Variants in SAFB2 observed in about 807,000 individuals in gnomAD.
SAFB2 encodes the protein scaffold attachment factor B2.
A neutral mutation model predicts 100.6 loss-of-function variants in SAFB2; 32 were observed. The observed-to-expected ratio is 0.32, with a 90% CI of 0.24 to 0.43. The LOEUF is 0.43. SAFB2 is among the 20% of genes least tolerant of loss of function. The probability of loss-of-function intolerance (pLI) is 1.00; values close to 1 mark genes in which losing one functional copy is unlikely to be tolerated. For synonymous variants in SAFB2, 500 were observed against 439.4 expected (o/e 1.14, Z -1.72); for missense variants, 1,185 against 1,163.4 (o/e 1.02, Z -0.27).
chr19:5,604,892 A>G lies in SAFB2; in HGVS notation c.1341T>C (p.Ala447=). ...ACATGGTGACGAATCCATAGCATCGAGCCCCCGGGCTGCGGGCGTTCGTTA... is the reference window on the plus strand; with the variant it reads ...ACATGGTGACGAATCCATAGCATCGGGCCCCCGGGCTGCGGGCGTTCGTTA... ...KVVTNARSPG[A]RCYGFVTMST... Residue 447 remains alanine (A), a synonymous_variant, in exon 10 of 21, where the codon GCT becomes GCC. Coordinates refer to ENST00000252542, the MANE Select transcript of SAFB2 (RefSeq NM_014649.3). 1 of 1,613,982 alleles carries G rather than the reference A, an allele frequency of 6.2e-7. No individual in the cohort carries two copies. The highest frequency in any genetic ancestry group is 2.2e-5 in the East Asian group (1 of 44,870).
intron 1 of SAFB2, 24 bp downstream of exon 1, chr19:5,622,506 C>A (rs761860974): frequency 1.9e-6 from 3 of 1,565,092 alleles, no homozygotes; most frequent in Admixed American, 3.6e-5. Context: ...TCCTGCGCCA[C>A]CCCCGAGCCC....
intron 9 of SAFB2, among the ~76,000 whole-genome samples, chr19:5,606,463 C>T (rs1386156221): frequency 2.6e-5 from 4 of 151,966 alleles, no homozygotes; most frequent in Admixed American, 1.3e-4. Context: ...ACATCTGTAC[C>T]AAAAATTTTA....
In SAFB2 at chr19:5,587,595, TTG is replaced by T. The variant is rs2052284838; in HGVS notation, c.2705+104_2705+105del. The stretch of plus-strand genomic sequence containing the variant: ...AAATTGCAAAGAGCTGCTTTTTGCT[TTG>T]TTTTCATAACATCCAACCCAGCCAG... On this transcript the variant is annotated intron_variant, in intron 20 of 20. Coordinates refer to ENST00000252542, the MANE Select transcript of SAFB2 (RefSeq NM_014649.3). The surrounding 1 kb of genome is among the most constrained non-coding windows in gnomAD (Gnocchi z 4.9). 2.7e-6 allele frequency: 4 copies of T among 1,455,478 alleles called. No individual in the cohort carries two copies. The highest frequency in any genetic ancestry group is 1.8e-4 in the Middle Eastern group (1 of 5,468). The allele number at this position is 1,455,478 out of a possible 1,614,324, so 90.2% of individuals were successfully genotyped here.
At chr19:5,613,674 C>T (rs926842735) in intron 4 of SAFB2, 147 bp from the exon 5 acceptor site, 2 of 1,458,612 alleles carry the variant, frequency 1.4e-6, no homozygotes, top group Admixed American at 2.6e-5. Flanking sequence ...CAGTTCAGCA[C>T]CTGCCTCTCC....
At chr19:5,621,243 G>T in intron 2 of SAFB2, 66 bp downstream of exon 2, 1 of 1,054,920 alleles carries the variant, frequency 9.5e-7, no homozygotes, top group Non-Finnish European at 1.5e-6. Flanking sequence ...GGCGGGAAGA[G>T]CACACTACAC....
chr19:5,603,587 T>C (rs970899647), intron 11 of SAFB2, among the ~76,000 whole-genome samples: 3 of 152,206 alleles, frequency 2.0e-5, no homozygotes, highest in Non-Finnish European at 2.9e-5. Context: ...TTTATAAAAA[T>C]AGAACCTCAG....
intron 18 of SAFB2, among the ~76,000 whole-genome samples, chr19:5,589,876 G>A (rs1383909598): frequency 1.3e-5 from 2 of 152,176 alleles, no homozygotes; most frequent in Admixed American, 6.5e-5. Context: ...CTGGGGGTCA[G>A]AGAAAAAACC....
chr19:5,603,669 GCCA>G, intron 11 of SAFB2, among the ~76,000 whole-genome samples: 1 of 152,328 alleles, frequency 6.6e-6, no homozygotes, highest in East Asian at 1.9e-4. Flanking sequence ...CTCACAGGGT[GCCA>G]CCGTGAACTC....
chr19:5,604,793 T>A lies in SAFB2; in HGVS notation c.1440A>T (p.Val480=), dbSNP rs1458387704. 1 of 1,614,074 alleles carries A rather than the reference T, an allele frequency of 6.2e-7. No homozygotes were observed. The highest frequency in any genetic ancestry group is 1.3e-5 in the African/African-American group (1 of 74,946). The change falls in exon 10 of 21, where the codon GTA becomes GTT. Residue 480 remains valine (V), a synonymous_variant. Coordinates refer to ENST00000252542, the MANE Select transcript of SAFB2 (RefSeq NM_014649.3). ...RTELHGRMIS[V]EKAKNEPAGK... is the part of the protein sequence containing the mutation. Reference sequence around the variant, plus strand: ...TAGACGAGAACTGCCTCACCTTCTCTACGGAGATCATTCGTCCATGCAGCT... The same window carrying A: ...TAGACGAGAACTGCCTCACCTTCTCAACGGAGATCATTCGTCCATGCAGCT...
rs1568228032 is a variant in SAFB2, at chr19:5,613,546, G to A, written c.544-19C>T. ...CATCCACCTGAAAAACAAAATGGAA[G>A]ATGACTTCGTGGAGGCTGGAGCTAT... On this transcript the variant is annotated intron_variant, in intron 4 of 20. Coordinates refer to ENST00000252542, the MANE Select transcript of SAFB2 (RefSeq NM_014649.3). The A allele has an allele frequency of 6.2e-7, 1 of 1,612,448 alleles. No individual in the cohort carries two copies. Among genetic ancestry groups the A allele is most frequent in the Non-Finnish European group, 8.5e-7 (1 of 1,178,826 alleles).
At chr19:5,621,469 C>T in intron 1 of SAFB2, 73 bp from the exon 2 acceptor site, 1 of 989,328 alleles carries the variant, frequency 1.0e-6, no homozygotes, top group Non-Finnish European at 1.6e-6. Context: ...CAAGTAACAA[C>T]CTCCCATGAA....
Position 5,587,524 on chromosome 19 carries a change from A to T in SAFB2, c.2706-125T>A, listed in dbSNP as rs2052283042. 1 of 1,475,250 alleles carries T rather than the reference A, an allele frequency of 6.8e-7. No homozygotes were observed. Among genetic ancestry groups the T allele is most frequent in the African/African-American group, 1.4e-5 (1 of 70,714 alleles). The allele number at this position is 1,475,250 out of a possible 1,614,324, so 91.4% of individuals were successfully genotyped here. A position where few individuals can be genotyped will look rare whatever the true frequency, so the allele number is the denominator to read the frequency against. ...GTTTTTTTTCCAGGTGAGAAAAATCATCATCGCACATTGTATTCCAGGTAA... is the reference window on the plus strand; with the variant it reads ...GTTTTTTTTCCAGGTGAGAAAAATCTTCATCGCACATTGTATTCCAGGTAA... On this transcript the variant is annotated intron_variant, in intron 20 of 20. Transcript: ENST00000252542. The surrounding 1 kb of genome is among the most constrained non-coding windows in gnomAD (Gnocchi z 4.9).
At chr19:5,621,609 T>C (rs1164612552) in intron 1 of SAFB2, among the ~76,000 whole-genome samples, 1 of 152,228 alleles carries the variant, frequency 6.6e-6, no homozygotes, top group Non-Finnish European at 1.5e-5. Flanking sequence ...AGAGGGAGGC[T>C]GTGAGCAGGA....
At chr19:5,593,828 T>C in intron 15 of SAFB2, 63 bp downstream of exon 15, 2 of 1,379,176 alleles carry the variant, frequency 1.5e-6, no homozygotes, top group Non-Finnish European at 1.9e-6. Context: ...GCTGTTCTGC[T>C]GGAAGGGTGA....
chr19:5,595,327 C>G (rs1447114539), intron 14 of SAFB2, 34 bp downstream of exon 14: 1 of 1,596,928 alleles, frequency 6.3e-7, no homozygotes, highest in Non-Finnish European at 8.5e-7. Flanking sequence ...CGAGAGGAAA[C>G]CACCAGCCCA....
chr19:5,605,151 C>A (rs2052747050), intron 9 of SAFB2, among the ~76,000 whole-genome samples: 2 of 151,860 alleles, frequency 1.3e-5, no homozygotes, highest in African/African-American at 4.8e-5. Flanking sequence ...GTCACCCAGG[C>A]TGGAGTGCAG....
rs765253443 is a variant in SAFB2 at position 5,590,347 on chromosome 19, C to T, written c.2456G>A (p.Arg819His). 6.8e-6 allele frequency: 11 copies of T among 1,611,030 alleles called. No individual in the cohort carries two copies. The highest frequency in any genetic ancestry group is 4.0e-5 in the African/African-American group (3 of 74,882). The change falls in exon 18 of 21, where the codon CGT becomes CAT. Residue 819 changes from arginine to histidine, a missense_variant. By Grantham distance (29) the Arg-to-His change is conservative. Transcript: ENST00000252542. ...GPPERHGRDSRDGWGGYGSDK... is the reference protein window; with the variant it reads ...GPPERHGRDSHDGWGGYGSDK... ...GGAGCCGTAGCCCCCCCAGCCATCA[C>T]GGGAGTCCCGGCCGTGGCGCTCTGG...
Position 5,610,034 on chromosome 19 carries a change from G to T in SAFB2, c.1257C>A (p.Arg419=). The T allele has an allele frequency of 1.2e-6, 2 of 1,614,110 alleles. No homozygotes were observed. The highest frequency in any genetic ancestry group is 2.2e-5 in the East Asian group (1 of 44,874). ...LWVSGLSSTT[R]ATDLKNLFSK... ...TGAAAAGGTTCTTGAGATCCGTAGC[G>T]CGTGTTGTGGAGGACAGCCCGCTGA... Residue 419 remains arginine, a synonymous_variant, in exon 9 of 21, where the codon CGC becomes CGA. Coordinates refer to ENST00000252542, the MANE Select transcript of SAFB2 (RefSeq NM_014649.3).
chr19:5,612,366 C>A, intron 6 of SAFB2, 174 bp downstream of exon 6: 1 of 647,336 alleles, frequency 1.5e-6, no homozygotes, highest in Non-Finnish European at 2.7e-6. Flanking sequence ...CAGAATGGCT[C>A]TTCCACAGAT....
Sources: allele counts gnomAD v4.1 joint callset (sites outside exome capture counted in the v4.1 genomes callset), GRCh38; gene constraint gnomAD v4.1.1; non-coding constraint Gnocchi (gnomAD v3.1); transcripts MANE v1.5; gene names NCBI Gene and HGNC (gene_info 2026-07-23, HGNC 2026-07-21).